NCAM2: variants seen among roughly 807,000 people sequenced by gnomAD.
NCAM2 encodes N-CAM-2.
NCAM2 carries 30 observed loss-of-function variants against 98.1 expected under a neutral mutation model. That is an observed-to-expected ratio of 0.31 (90% CI 0.23 to 0.41). The LOEUF (loss-of-function observed/expected upper bound fraction) is 0.41, where lower values mean the gene tolerates loss of function less well. Among genes scored for constraint, NCAM2 ranks in the 10% least tolerant of loss-of-function variants. The pLI is 1.00. For missense variants in NCAM2, 867 were observed against 1,005.8 expected, an observed-to-expected ratio of 0.86 and a Z score of 1.87; for synonymous variants, 368 against 342.4, an observed-to-expected ratio of 1.07 and a Z score of -0.83.
At chr21:21,007,294 T>C (rs1034401417) in intron 1 of NCAM2, among the ~76,000 whole-genome samples, 2 of 152,160 alleles carry the variant, frequency 1.3e-5, no homozygotes, top group African/African-American at 4.8e-5. Context: ...GCGCTTTTTT[T>C]TGGTACCTCT....
At chr21:21,390,898 C>T (rs1484660518) in intron 9 of NCAM2, among the ~76,000 whole-genome samples, 1 of 152,172 alleles carries the variant, frequency 6.6e-6, no homozygotes, top group African/African-American at 2.4e-5. Flanking sequence ...AAAATATGCA[C>T]ACCTATATTT....
intron 1 of NCAM2, among the ~76,000 whole-genome samples, chr21:21,203,083 T>C (rs1001930618): frequency 2.0e-5 from 3 of 152,174 alleles, no homozygotes; most frequent in Non-Finnish European, 1.5e-5. Flanking sequence ...AAGAATATAG[T>C]TGGTGTTTTT....
Position 21,464,486 on chromosome 21 carries a change from G to T in NCAM2, c.1655-2120G>T, listed in dbSNP as rs142893985. Among the ~76,000 whole-genome samples the T allele has an allele frequency of 4.0e-3, 611 of 152,142 alleles. 4 individuals are homozygous for T. Among genetic ancestry groups the T allele is most frequent in the African/African-American group, 0.014 (580 of 41,536 alleles). On this transcript the variant is annotated intron_variant, in intron 12 of 17. Coordinates refer to ENST00000400546, the MANE Select transcript of NCAM2 (RefSeq NM_004540.5). The stretch of plus-strand genomic sequence containing the variant: ...TGATTTTTAAACTCTTGTTAAAGGA[G>T]TTCAAGACCAGCCTGAGCAACATAG...
intron 3 of NCAM2, 72 bp downstream of exon 3, chr21:21,284,472 T>A (rs994357574): frequency 4.5e-6 from 5 of 1,114,004 alleles, no homozygotes; most frequent in Admixed American, 2.0e-5. Flanking sequence ...AAATAAAATG[T>A]TTGATAACAC....
intron 8 of NCAM2, among the ~76,000 whole-genome samples, chr21:21,359,511 A>G (rs567984626): frequency 1.3e-5 from 2 of 152,082 alleles, no homozygotes; most frequent in East Asian, 3.9e-4. Flanking sequence ...TAAAAGCATC[A>G]TTTACTAATG....
intron 1 of NCAM2, among the ~76,000 whole-genome samples, chr21:21,117,300 G>C (rs1241330440): frequency 3.3e-5 from 1 of 30,350 alleles, no homozygotes; most frequent in African/African-American, 1.1e-4. Context: ...ATATAAGTGA[G>C]ATCATACACT....
intron 16 of NCAM2, among the ~76,000 whole-genome samples, chr21:21,530,897 G>C (rs1354840639): frequency 2.0e-5 from 3 of 151,800 alleles, no homozygotes; most frequent in Non-Finnish European, 2.9e-5. Flanking sequence ...GCCCACAGAA[G>C]TCTATTCCAA....
chr21:21,273,370 G>T (rs1022174585), intron 1 of NCAM2, among the ~76,000 whole-genome samples: 1 of 151,848 alleles, frequency 6.6e-6, no homozygotes, highest in East Asian at 1.9e-4. Flanking sequence ...AATATTTAAG[G>T]GATACATGGT....
intron 1 of NCAM2, among the ~76,000 whole-genome samples, chr21:21,096,373 A>G (rs1048425587): frequency 2.8e-5 from 4 of 142,350 alleles, no homozygotes; most frequent in South Asian, 2.3e-4. Context: ...TGGCAGTGCA[A>G]ATTAAAACTG....
chr21:21,223,463 G>A (rs976170223), intron 1 of NCAM2: 1 of 152,022 alleles, frequency 6.6e-6, no homozygotes, highest in African/African-American at 2.4e-5. Context: ...ATGATTTCAG[G>A]TTATATAAAG....
At chr21:21,452,677 A>G (rs1162831527) in intron 12 of NCAM2, among the ~76,000 whole-genome samples, 102 of 112,808 alleles carry the variant, frequency 9.0e-4, no homozygotes, top group Non-Finnish European at 1.6e-3. Flanking sequence ...TTTAATATGT[A>G]TTATATATTT....
intron 12 of NCAM2, among the ~76,000 whole-genome samples, chr21:21,453,075 T>C (rs1346034285): frequency 7.9e-6 from 1 of 126,980 alleles, no homozygotes; most frequent in African/African-American, 3.1e-5. Flanking sequence ...ATTTATAAAT[T>C]ATTATATATT....
chr21:21,089,069 AT>A (rs1943571386), intron 1 of NCAM2, among the ~76,000 whole-genome samples: 1 of 141,372 alleles, frequency 7.1e-6, no homozygotes, highest in Non-Finnish European at 1.5e-5. Context: ...AATTATGTCA[AT>A]CATTTTTTTT....
intron 1 of NCAM2, among the ~76,000 whole-genome samples, chr21:21,203,316 AT>A (rs2069305145): frequency 2.6e-5 from 4 of 152,068 alleles, no homozygotes; most frequent in African/African-American, 4.8e-5. Flanking sequence ...TCTGCTTATT[AT>A]TCATTTATGC....
chr21:21,131,054 C>G (rs2826672), intron 1 of NCAM2, among the ~76,000 whole-genome samples: 4 of 151,804 alleles, frequency 2.6e-5, no homozygotes, highest in Non-Finnish European at 1.5e-5. Context: ...AAAACGTAAT[C>G]ATGTGAGAAT....
rs541561115 is a variant in NCAM2, at chr21:21,338,381, C to T, written c.899-8C>T. ...ATACCGGTTGAGTAATATATATATT[C>T]TTTACAGTACAGCCTCACATAATAC... On this transcript the variant is annotated splice_polypyrimidine_tract_variant and splice_region_variant and intron_variant, in intron 7 of 17. Coordinates refer to ENST00000400546, the MANE Select transcript of NCAM2 (RefSeq NM_004540.5). 8.1e-6 allele frequency: 13 copies of T among 1,605,838 alleles called. No homozygotes were observed. Among genetic ancestry groups the T allele is most frequent in the Non-Finnish European group, 1.1e-5 (13 of 1,174,160 alleles).
intron 1 of NCAM2, among the ~76,000 whole-genome samples, chr21:21,072,826 A>G (rs8131274): frequency 0.037 from 5,629 of 152,232 alleles, 322 homozygotes; most frequent in African/African-American, 0.13. Context: ...TAAAATATAC[A>G]TAATATACAA....
intron 1 of NCAM2, among the ~76,000 whole-genome samples, chr21:21,089,171 G>A (rs1216785085): frequency 1.3e-5 from 2 of 152,040 alleles, no homozygotes; most frequent in African/African-American, 4.8e-5. Context: ...GTTATACTTT[G>A]TAAGAAAATA....
intron 15 of NCAM2, among the ~76,000 whole-genome samples, chr21:21,495,213 A>T (rs1987138007): frequency 6.6e-6 from 1 of 152,032 alleles, no homozygotes; most frequent in Non-Finnish European, 1.5e-5. Flanking sequence ...ACAATTTCAT[A>T]GTATTTTATC....
Sources: gnomAD v4.1 joint callset for allele counts (sites outside exome capture counted in the v4.1 genomes callset) on GRCh38, gnomAD v4.1.1 for gene constraint, MANE v1.5 for transcripts, NCBI Gene and HGNC (gene_info 2026-07-23, HGNC 2026-07-21) for gene names.